Variants in RIT2 observed in about 807,000 individuals in gnomAD.
The protein encoded by RIT2 is GTP-binding protein Rit2.
RIT2 carries 24 observed loss-of-function variants against 23.7 expected under a neutral mutation model. That is an observed-to-expected ratio of 1.01 (90% CI 0.73 to 1.43). The LOEUF (loss-of-function observed/expected upper bound fraction) is 1.43, where lower values mean the gene tolerates loss of function less well. RIT2 is among the 40% of genes most tolerant of loss of function. The pLI is 0.00. For synonymous variants in RIT2, 107 were observed against 91.1 expected, an observed-to-expected ratio of 1.17 and a Z score of -0.99; for missense variants, 236 against 266.9, an observed-to-expected ratio of 0.88 and a Z score of 0.81.
At chr18:42,901,544 C>A (rs533265662) in intron 4 of RIT2, among the ~76,000 whole-genome samples, 10 of 151,878 alleles carry the variant, frequency 6.6e-5, no homozygotes, top group Non-Finnish European at 1.5e-4. Context: ...TAAAAATCTC[C>A]CAATTATAAA....
chr18:43,002,813 A>C (rs1192531252), intron 2 of RIT2, among the ~76,000 whole-genome samples: 1 of 151,912 alleles, frequency 6.6e-6, no homozygotes, highest in Non-Finnish European at 1.5e-5. Flanking sequence ...GGGGAAATTG[A>C]AGTTTTATGT....
chr18:43,008,185 T>A (rs1911268803), intron 2 of RIT2, among the ~76,000 whole-genome samples: 1 of 151,624 alleles, frequency 6.6e-6, no homozygotes, highest in Admixed American at 6.6e-5. Context: ...TAGAGAGCAA[T>A]TAATATTAAT....
intron 1 of RIT2, among the ~76,000 whole-genome samples, chr18:43,103,136 C>A (rs960604396): frequency 1.3e-5 from 2 of 152,118 alleles, no homozygotes; most frequent in Non-Finnish European, 2.9e-5. Flanking sequence ...CCAAGCCACA[C>A]CCTTACCCTA....
At chr18:42,836,677 C>T (rs1462011752) in intron 4 of RIT2, among the ~76,000 whole-genome samples, 1 of 152,114 alleles carries the variant, frequency 6.6e-6, no homozygotes, top group Non-Finnish European at 1.5e-5. Context: ...AAGAAAAATG[C>T]CACCAGCTAT....
In RIT2 at chr18:43,065,749, C is replaced by T. The variant is rs146249060; in HGVS notation, c.104-31882G>A. ...ACAAAGATCGTAGAACTAGGTAACT[C>T]CCACTTATGTGATCATGGAAGGTTT... is the stretch of plus-strand genomic sequence containing the variant. On this transcript the variant is annotated intron_variant, in intron 1 of 4. Coordinates refer to ENST00000326695, the MANE Select transcript of RIT2 (RefSeq NM_002930.4). Among the ~76,000 whole-genome samples, 802 of 151,666 alleles carry T rather than the reference C, an allele frequency of 5.3e-3. 5 individuals carry two copies. The highest frequency in any genetic ancestry group is 0.034 in the Middle Eastern group (10 of 292).
chr18:42,987,676 C>T (rs775684312), intron 2 of RIT2, among the ~76,000 whole-genome samples: 5 of 152,070 alleles, frequency 3.3e-5, no homozygotes, highest in South Asian at 2.1e-4. Flanking sequence ...TTATTTGTGT[C>T]GCTATAAAAT....
chr18:42,915,623 C>A lies in RIT2; in HGVS notation c.426+7949G>T, dbSNP rs76506844. On this transcript the variant is annotated intron_variant, in intron 4 of 4. Transcript: ENST00000326695. Reference sequence around the variant, plus strand: ...GAGGGAAAGCAAACAGTTACAATGTCAGTTCAATCTGAGGAAACACAAGCT... The same window carrying A: ...GAGGGAAAGCAAACAGTTACAATGTAAGTTCAATCTGAGGAAACACAAGCT... 2.2e-3 allele frequency among the ~76,000 whole-genome samples: 333 copies of A among 152,064 alleles called. 1 individual carries two copies. Among genetic ancestry groups the A allele is most frequent in the African/African-American group, 7.5e-3 (310 of 41,522 alleles).
At chr18:43,096,863 G>A (rs183499491) in intron 1 of RIT2, among the ~76,000 whole-genome samples, 1 of 151,854 alleles carries the variant, frequency 6.6e-6, no homozygotes, top group East Asian at 1.9e-4. Context: ...ACAGTTTCTT[G>A]AATAAGTAAA....
chr18:43,103,537 G>T (rs1257076556), intron 1 of RIT2, among the ~76,000 whole-genome samples: 1 of 152,134 alleles, frequency 6.6e-6, no homozygotes, highest in Non-Finnish European at 1.5e-5. Context: ...TAATCAGAAA[G>T]AATTTTAAGT....
At chr18:42,891,937 T>A (rs1908189518) in intron 4 of RIT2, among the ~76,000 whole-genome samples, 1 of 152,108 alleles carries the variant, frequency 6.6e-6, no homozygotes, top group African/African-American at 2.4e-5. Context: ...TTGTGACAAA[T>A]GGACTATTCT....
At chr18:43,001,401 A>T (rs956194579) in intron 2 of RIT2, among the ~76,000 whole-genome samples, 4 of 152,018 alleles carry the variant, frequency 2.6e-5, no homozygotes, top group Non-Finnish European at 4.4e-5. Flanking sequence ...TATATAAGGA[A>T]AAAAATGTAT....
chr18:43,020,500 A>G (rs1262245162), intron 2 of RIT2, among the ~76,000 whole-genome samples: 1 of 151,830 alleles, frequency 6.6e-6, no homozygotes, highest in Non-Finnish European at 1.5e-5. Context: ...AAAACAAAAC[A>G]AAACAAAAAA....
intron 4 of RIT2, among the ~76,000 whole-genome samples, chr18:42,786,001 T>C (rs1428020735): frequency 6.6e-6 from 1 of 152,132 alleles, no homozygotes; most frequent in Non-Finnish European, 1.5e-5. Flanking sequence ...GAATGTACTA[T>C]AGATGAAAGT....
chr18:43,051,638 A>G (rs1912386877), intron 1 of RIT2, among the ~76,000 whole-genome samples: 1 of 152,112 alleles, frequency 6.6e-6, no homozygotes, highest in Non-Finnish European at 1.5e-5. Flanking sequence ...TTAACTATGA[A>G]AAACTTTTTT....
chr18:42,862,854 C>G (rs1327077135), intron 4 of RIT2, among the ~76,000 whole-genome samples: 1 of 152,188 alleles, frequency 6.6e-6, no homozygotes, highest in East Asian at 1.9e-4. Context: ...ACTCTCCCAA[C>G]AAGATTATGA....
At chr18:42,968,892 TGGA>T (rs1489165238) in intron 3 of RIT2, among the ~76,000 whole-genome samples, 1 of 152,138 alleles carries the variant, frequency 6.6e-6, no homozygotes, top group African/African-American at 2.4e-5. Context: ...AGAAGTACAT[TGGA>T]GGAGGTAGTA....
At chr18:42,847,090 G>T (rs1291629316) in intron 4 of RIT2, among the ~76,000 whole-genome samples, 1 of 152,016 alleles carries the variant, frequency 6.6e-6, no homozygotes, top group Non-Finnish European at 1.5e-5. Context: ...TGCGGTAAAA[G>T]GTCTTCAAAA....
chr18:42,743,830 A>G, intron 4 of RIT2, 110 bp from the exon 5 acceptor site: 1 of 757,130 alleles, frequency 1.3e-6, no homozygotes, highest in Non-Finnish European at 2.1e-6. Context: ...AAGCCAAGCC[A>G]TCGTATCCCC....
chr18:42,905,259 AAATT>A (rs1173537750), intron 4 of RIT2, among the ~76,000 whole-genome samples: 1 of 152,182 alleles, frequency 6.6e-6, no homozygotes, highest in Non-Finnish European at 1.5e-5. Flanking sequence ...TTTAATAAAT[AAATT>A]AGATTTGTAT....
Sources: gnomAD v4.1 joint callset for allele counts (sites outside exome capture counted in the v4.1 genomes callset) on GRCh38, gnomAD v4.1.1 for gene constraint, MANE v1.5 for transcripts, NCBI Gene and HGNC (gene_info 2026-07-23, HGNC 2026-07-21) for gene names.